Variants in CDC42BPB observed in about 807,000 individuals in gnomAD.
CDC42BPB encodes the protein serine/threonine-protein kinase MRCK beta.
CDC42BPB carries 37 observed loss-of-function variants against 214.9 expected under a neutral mutation model. The observed-to-expected ratio is 0.17, with a 90% CI of 0.13 to 0.23. CDC42BPB has a LOEUF of 0.23. Ranked by LOEUF, CDC42BPB falls within the 10% of genes least tolerant of loss-of-function variation. The probability of loss-of-function intolerance (pLI) is 1.00; values close to 1 mark genes in which losing one functional copy is unlikely to be tolerated. For missense variants in CDC42BPB, 1,694 were observed against 2,227.0 expected (o/e 0.76, Z 4.82); for synonymous variants, 931 against 884.0 (o/e 1.05, Z -0.94).
At chr14:103,010,363 G>A (rs1266505842) in intron 2 of CDC42BPB, among the ~76,000 whole-genome samples, 1 of 152,160 alleles carries the variant, frequency 6.6e-6, no homozygotes, top group African/African-American at 2.4e-5. Context: ...TGGATCCAGG[G>A]TCTGTACTGA....
chr14:103,020,600 G>A (rs980264624), intron 1 of CDC42BPB, among the ~76,000 whole-genome samples: 2 of 152,212 alleles, frequency 1.3e-5, no homozygotes, highest in Non-Finnish European at 2.9e-5. Context: ...AGAGAGAGAA[G>A]GGGCCAGAGC....
At chr14:103,031,794 A>G (rs1474790929) in intron 1 of CDC42BPB, among the ~76,000 whole-genome samples, 1 of 152,098 alleles carries the variant, frequency 6.6e-6, no homozygotes, top group Non-Finnish European at 1.5e-5. Flanking sequence ...GAAACCAACT[A>G]AAAAGCTGAT....
rs75484980 is a variant in CDC42BPB at position 102,959,619 on chromosome 14, A to C, written c.2901+12T>G. 1 of 1,570,342 alleles carries C rather than the reference A, an allele frequency of 6.4e-7. No homozygotes were observed. Among genetic ancestry groups the C allele is most frequent in the African/African-American group, 1.4e-5 (1 of 73,368 alleles). The stretch of plus-strand genomic sequence containing the variant: ...AACTCATCTGTCACTTAAAAAAAAA[A>C]CAATGACTTACTCTAAATGTCAGGT... On this transcript the variant is annotated intron_variant, in intron 21 of 36. Transcript: ENST00000361246.
At chr14:102,962,859 G>A (rs1040290782) in intron 20 of CDC42BPB, among the ~76,000 whole-genome samples, 4 of 152,020 alleles carry the variant, frequency 2.6e-5, no homozygotes, top group Admixed American at 6.6e-5. Context: ...CAAAAAAAAA[G>A]GAAGGATAAA....
intron 1 of CDC42BPB, among the ~76,000 whole-genome samples, chr14:103,014,082 C>T (rs544872116): frequency 5.3e-5 from 8 of 149,978 alleles, no homozygotes; most frequent in Non-Finnish European, 5.9e-5. Context: ...AGGAGAATGG[C>T]GTGAACCTGG....
In CDC42BPB at chr14:103,057,411, C is replaced by G; in HGVS notation, c.-238G>C. On this transcript the variant is annotated 5_prime_UTR_variant, in exon 1 of 37. Coordinates refer to ENST00000361246, the MANE Select transcript of CDC42BPB (RefSeq NM_006035.4). ...ATGGGCCGCTCTCCTCCCCTCGGCG[C>G]CGCCGCCCTCCCAGCTCGGGCGGCC... 1 of 769,710 alleles carries G rather than the reference C, an allele frequency of 1.3e-6. No individual in the cohort carries two copies. The highest frequency in any genetic ancestry group is 1.6e-6 in the Non-Finnish European group (1 of 633,554). 47.7% of individuals were successfully genotyped at this position (769,710 alleles called of 1,614,324 possible).
chr14:102,966,239 G>A (rs369732085), intron 18 of CDC42BPB, 43 bp downstream of exon 18: 78 of 1,387,180 alleles, frequency 5.6e-5, no homozygotes, highest in Non-Finnish European at 7.4e-5. Context: ...AACCATTAGC[G>A]AATTATTCAG....
intron 2 of CDC42BPB, among the ~76,000 whole-genome samples, chr14:103,009,980 T>TA (rs1886055913): frequency 6.6e-6 from 1 of 151,958 alleles, no homozygotes; most frequent in Non-Finnish European, 1.5e-5. Context: ...CTGTCTCTAC[T>TA]AAAAAGAAAA....
At chr14:102,967,922 C>T (rs1171292229) in intron 16 of CDC42BPB, among the ~76,000 whole-genome samples, 5 of 152,006 alleles carry the variant, frequency 3.3e-5, no homozygotes, top group East Asian at 3.9e-4. Context: ...GGTGAAAACC[C>T]GTCTCTACTA....
intron 1 of CDC42BPB, among the ~76,000 whole-genome samples, chr14:103,046,789 G>C (rs1332664725): frequency 6.6e-6 from 1 of 151,878 alleles, no homozygotes; most frequent in Non-Finnish European, 1.5e-5. Context: ...GAGTAGCTGG[G>C]ATTACAGGCA....
intron 1 of CDC42BPB, among the ~76,000 whole-genome samples, chr14:103,023,981 G>A (rs948552839): frequency 2.6e-5 from 4 of 151,944 alleles, no homozygotes; most frequent in South Asian, 2.1e-4. Context: ...TGCCCACCCC[G>A]GCCCCAGGAA....
chr14:103,053,969 T>G lies in CDC42BPB; in HGVS notation c.175+3030A>C, dbSNP rs573642274. Among the ~76,000 whole-genome samples, 22 of 152,010 alleles carry G rather than the reference T, an allele frequency of 1.4e-4. No homozygotes were observed. In the South Asian group the frequency reaches 4.4e-3, roughly 30 times the overall value. ...GATCCACCCACCTCAGCCTCCAGAGTAACTGGGACTACAGGTGTGCGCCAC... is the reference window on the plus strand; with the variant it reads ...GATCCACCCACCTCAGCCTCCAGAGGAACTGGGACTACAGGTGTGCGCCAC... On this transcript the variant is annotated intron_variant, in intron 1 of 36. Transcript: ENST00000361246.
At chr14:102,986,238 G>C (rs1894243581) in intron 6 of CDC42BPB, 1 of 402,414 alleles carries the variant, frequency 2.5e-6, no homozygotes, top group South Asian at 2.6e-5. Context: ...GAGGAAACCT[G>C]ACAACTCCCA....
chr14:102,972,566 G>A (rs1168264903), intron 12 of CDC42BPB, among the ~76,000 whole-genome samples: 2 of 152,058 alleles, frequency 1.3e-5, no homozygotes, highest in African/African-American at 2.4e-5. Flanking sequence ...GTGGGTGCCT[G>A]TAGTCCCAGC....
intron 5 of CDC42BPB, among the ~76,000 whole-genome samples, chr14:102,992,623 T>C (rs960129566): frequency 2.0e-5 from 3 of 152,234 alleles, no homozygotes; most frequent in Admixed American, 2.0e-4. Flanking sequence ...CCTCACCAAC[T>C]GTTTCAGCAC....
intron 1 of CDC42BPB, among the ~76,000 whole-genome samples, chr14:103,053,205 A>G (rs963619625): frequency 7.9e-5 from 12 of 151,984 alleles, no homozygotes; most frequent in African/African-American, 2.7e-4. Context: ...AAAATTAGCC[A>G]GGCGTGGTGG....
intron 11 of CDC42BPB, among the ~76,000 whole-genome samples, chr14:102,974,904 C>G (rs1893667736): frequency 6.6e-6 from 1 of 152,124 alleles, no homozygotes; most frequent in African/African-American, 2.4e-5. Flanking sequence ...CGAGATCATG[C>G]CACTGCACTC....
intron 1 of CDC42BPB, among the ~76,000 whole-genome samples, chr14:103,036,846 T>C (rs1887692058): frequency 6.6e-6 from 1 of 152,374 alleles, no homozygotes. Flanking sequence ...AGATAATGTC[T>C]GGCTCTGTCG....
At chr14:103,035,718 T>C (rs1240211550) in intron 1 of CDC42BPB, among the ~76,000 whole-genome samples, 1 of 152,022 alleles carries the variant, frequency 6.6e-6, no homozygotes, top group Non-Finnish European at 1.5e-5. Flanking sequence ...CGGGCGCCTG[T>C]AGTCCCAGCT....
Sources: allele counts gnomAD v4.1 joint callset (sites outside exome capture counted in the v4.1 genomes callset), GRCh38; gene constraint gnomAD v4.1.1; transcripts MANE v1.5; gene names NCBI Gene and HGNC (gene_info 2026-07-23, HGNC 2026-07-21).